Variants in CYP46A1 observed in about 807,000 individuals in gnomAD.
CYP46A1 encodes the protein cytochrome P450 family 46 subfamily A member 1.
A neutral mutation model predicts 63.3 loss-of-function variants in CYP46A1; 20 were observed. The observed-to-expected ratio is 0.32, with a 90% CI of 0.22 to 0.46. The LOEUF is 0.46. Among genes scored for constraint, CYP46A1 ranks in the 20% least tolerant of loss-of-function variants. The probability of loss-of-function intolerance (pLI) is 1.00; values close to 1 mark genes in which losing one functional copy is unlikely to be tolerated. For missense variants in CYP46A1, 445 were observed against 670.8 expected, an observed-to-expected ratio of 0.66 and a Z score of 3.72; for synonymous variants, 268 against 273.6, an observed-to-expected ratio of 0.98 and a Z score of 0.20.
intron 4 of CYP46A1, 51 bp from the exon 5 acceptor site, chr14:99,699,964 C>CGGGGGGGGGGGGGGGGGGGGGGGGG: frequency 1.4e-5 from 11 of 773,850 alleles, no homozygotes; most frequent in Non-Finnish European, 1.9e-5. Flanking sequence ...ATCAAGCAGT[C>CGGGGGGGGGGGGGGGGGGGGGGGGG]GCTCCCCACC....
chr14:99,704,939 G>T (rs1270443198), intron 5 of CYP46A1, among the ~76,000 whole-genome samples: 1 of 152,194 alleles, frequency 6.6e-6, no homozygotes, highest in Non-Finnish European at 1.5e-5. Flanking sequence ...CCCATGGTGG[G>T]CAGGAGCATT....
At chr14:99,697,661 A>G (rs972064622) in intron 3 of CYP46A1, among the ~76,000 whole-genome samples, 1 of 152,198 alleles carries the variant, frequency 6.6e-6, no homozygotes, top group South Asian at 2.1e-4. Context: ...GCAAGTCCTT[A>G]GCAGTTTCTC....
At chr14:99,699,337 AT>A in intron 3 of CYP46A1, 128 bp from the exon 4 acceptor site, 4 of 839,226 alleles carry the variant, frequency 4.8e-6, no homozygotes, top group Non-Finnish European at 2.1e-6. Flanking sequence ...GTGTGGGATC[AT>A]GCATGGGAAG....
intron 7 of CYP46A1, 22 bp from the exon 8 acceptor site, chr14:99,715,788 T>A: frequency 6.2e-7 from 1 of 1,614,102 alleles, no homozygotes; most frequent in Non-Finnish European, 8.5e-7. Context: ...CTTGGCCATC[T>A]GGAGCTGAAA....
At chr14:99,698,704 A>T (rs902234643) in intron 3 of CYP46A1, among the ~76,000 whole-genome samples, 1 of 152,222 alleles carries the variant, frequency 6.6e-6, no homozygotes, top group Non-Finnish European at 1.5e-5. Context: ...AAGGTCCCAG[A>T]GTTAGCATGT....
At chr14:99,697,696 G>GGT (rs2056597989) in intron 3 of CYP46A1, among the ~76,000 whole-genome samples, 1 of 152,120 alleles carries the variant, frequency 6.6e-6, no homozygotes, top group African/African-American at 2.4e-5. Flanking sequence ...GTGTGCCATC[G>GGT]GTGTGTGTGT....
chr14:99,689,160 A>C (rs1361140690), intron 1 of CYP46A1, among the ~76,000 whole-genome samples: 1 of 152,090 alleles, frequency 6.6e-6, no homozygotes, highest in Non-Finnish European at 1.5e-5. Context: ...TGGGCTCCAG[A>C]TCTGAGTGTC....
chr14:99,716,837 G>C (rs2056794969), intron 9 of CYP46A1, among the ~76,000 whole-genome samples: 1 of 152,224 alleles, frequency 6.6e-6, no homozygotes, highest in African/African-American at 2.4e-5. Flanking sequence ...CATGAACATT[G>C]AATGAAATAC....
chr14:99,688,276 C>T (rs2056512279), intron 1 of CYP46A1, among the ~76,000 whole-genome samples: 1 of 152,200 alleles, frequency 6.6e-6, no homozygotes, highest in Non-Finnish European at 1.5e-5. Flanking sequence ...ACTCACCTGG[C>T]GTGGGCCTCC....
At chr14:99,702,040 A>T (rs1005595759) in intron 5 of CYP46A1, among the ~76,000 whole-genome samples, 1 of 144,050 alleles carries the variant, frequency 6.9e-6, no homozygotes, top group African/African-American at 2.6e-5. Flanking sequence ...ACTGCACTCC[A>T]GCCTGGGTGA....
chr14:99,713,694 C>T (rs141882771), intron 7 of CYP46A1, among the ~76,000 whole-genome samples: 257 of 151,484 alleles, frequency 1.7e-3, no homozygotes, highest in Non-Finnish European at 3.0e-3. Flanking sequence ...GCCTGGCCAA[C>T]GTGGTGAAAC....
In CYP46A1 at chr14:99,722,026, T is replaced by C; in HGVS notation, c.1136T>C (p.Leu379Ser). The change falls in exon 12 of 15, where the codon TTG (leucine) becomes TCG (serine). Residue 379 changes from leucine to serine, a missense_variant. Physicochemically the swap from Leu to Ser is moderately radical, Grantham distance 145. Coordinates refer to ENST00000261835, the MANE Select transcript of CYP46A1 (RefSeq NM_006668.2). The surrounding 1 kb of genome is among the most constrained non-coding windows in gnomAD (Gnocchi z 4.6). ...TTTCGCCTGCTGGAAGAGGAGACCT[T>C]GATTGATGGGGTCAGAGTCCCCGGC... ...GTFRLLEEET[L>S]IDGVRVPGNT... 1 of 1,613,362 alleles carries C rather than the reference T, an allele frequency of 6.2e-7. No individual in the cohort carries two copies. Among genetic ancestry groups the C allele is most frequent in the Non-Finnish European group, 8.5e-7 (1 of 1,179,780 alleles).
In CYP46A1 at chr14:99,721,928, T is replaced by C. The variant is rs1227046627; in HGVS notation, c.1066-28T>C. ...GATCTGTGGCCTCTCCCGACTCTCCTTGTTATCTCCCCTTGTGGCTTCTCT... is the reference window on the plus strand; with the variant it reads ...GATCTGTGGCCTCTCCCGACTCTCCCTGTTATCTCCCCTTGTGGCTTCTCT... On this transcript the variant is annotated intron_variant, in intron 11 of 14. Coordinates refer to ENST00000261835, the MANE Select transcript of CYP46A1 (RefSeq NM_006668.2). The C allele has an allele frequency of 1.9e-6, 3 of 1,583,758 alleles. No homozygotes were observed. The African/African-American group carries it at 4.0e-5, about 21-fold the overall frequency.
rs920767681 is a variant in CYP46A1 at position 99,725,018 on chromosome 14, C to T, written c.1177-373C>T. Among the ~76,000 whole-genome samples, 5 of 152,144 alleles carry T rather than the reference C, an allele frequency of 3.3e-5. No individual in the cohort carries two copies. Among genetic ancestry groups the T allele is most frequent in the Non-Finnish European group, 5.9e-5 (4 of 68,028 alleles). ...CTAGAGGAAGTTGGCCTCACAGAGT[C>T]AGATCTGAGTTTGAATCCCGGTTTG... On this transcript the variant is annotated intron_variant, in intron 12 of 14. Coordinates refer to ENST00000261835, the MANE Select transcript of CYP46A1 (RefSeq NM_006668.2). The surrounding 1 kb of genome is among the most constrained non-coding windows in gnomAD (Gnocchi z 4.2).
intron 2 of CYP46A1, 187 bp downstream of exon 2, chr14:99,691,348 C>T (rs2056541513): frequency 1.6e-6 from 1 of 628,002 alleles, no homozygotes; most frequent in African/African-American, 1.8e-5. Flanking sequence ...GCCATTCATC[C>T]ACTGCAGGAC....
chr14:99,692,020 G>A (rs1485604937), intron 3 of CYP46A1, among the ~76,000 whole-genome samples, 159 bp downstream of exon 3: 3 of 152,136 alleles, frequency 2.0e-5, no homozygotes, highest in Non-Finnish European at 4.4e-5. Context: ...TTCCCTCTAA[G>A]CACCCACTCC....
intron 7 of CYP46A1, among the ~76,000 whole-genome samples, chr14:99,714,248 T>C (rs1173896421): frequency 6.6e-6 from 1 of 152,108 alleles, no homozygotes; most frequent in African/African-American, 2.4e-5. Context: ...TAGAGAGAAA[T>C]GGAACTCTTA....
rs1264746097 is a variant in CYP46A1, at chr14:99,706,627, T to C, written c.444-20T>C. ...TATTGGGCTGGCCAGTGGCCGTTGA[T>C]GCCTGTGCTGTTTCTCCAGCTCCTT... On this transcript the variant is annotated intron_variant, in intron 5 of 14. Transcript: ENST00000261835. 5 of 1,613,156 alleles carry C rather than the reference T, an allele frequency of 3.1e-6. No individual in the cohort carries two copies. The highest frequency in any genetic ancestry group is 4.2e-6 in the Non-Finnish European group (5 of 1,179,752).
intron 11 of CYP46A1, 115 bp downstream of exon 11, chr14:99,721,438 T>TC: frequency 1.3e-6 from 1 of 745,788 alleles, no homozygotes; most frequent in East Asian, 2.6e-5. Flanking sequence ...CATAGGGTCC[T>TC]CCCCCGGAAG....
Sources: gnomAD v4.1 joint callset for allele counts (sites outside exome capture counted in the v4.1 genomes callset) on GRCh38, gnomAD v4.1.1 for gene constraint, Gnocchi (gnomAD v3.1) non-coding constraint, MANE v1.5 for transcripts, NCBI Gene and HGNC (gene_info 2026-07-23, HGNC 2026-07-21) for gene names.